GARIN1A: variants seen among roughly 807,000 people sequenced by gnomAD.
The protein encoded by GARIN1A is golgi associated RAB2 interactor 1A.
chr7:128,708,714 C>T, the GARIN1A span, among the ~76,000 whole-genome samples: 1 of 152,286 alleles, frequency 6.6e-6, no homozygotes, highest in East Asian at 1.9e-4. Flanking sequence ...CTTTTCTACC[C>T]TTTGGCCACC....
At chr7:128,696,528 G>A in the GARIN1A span, among the ~76,000 whole-genome samples, 1 of 151,950 alleles carries the variant, frequency 6.6e-6, no homozygotes, top group African/African-American at 2.4e-5. Context: ...CTTTTTTCAG[G>A]TCTAACATTC....
chr7:128,680,094 C>G, the GARIN1A span: 1 of 1,581,468 alleles, frequency 6.3e-7, no homozygotes, highest in South Asian at 1.2e-5. Context: ...GGCGGCTGAG[C>G]AGACCAGTGG....
At chr7:128,677,777 G>C in the GARIN1A span, 1 of 1,613,766 alleles carries the variant, frequency 6.2e-7, no homozygotes. Context: ...CTCACTGCCT[G>C]GTGCCCAAGA....
the GARIN1A span, among the ~76,000 whole-genome samples, chr7:128,700,162 G>T: frequency 7.9e-5 from 12 of 152,052 alleles, no homozygotes; most frequent in African/African-American, 2.9e-4. Context: ...TGCATCATAG[G>T]CTATTTTCCT....
At chr7:128,698,867 G>A in the GARIN1A span, among the ~76,000 whole-genome samples, 27 of 152,286 alleles carry the variant, frequency 1.8e-4, no homozygotes, top group African/African-American at 5.3e-4. Flanking sequence ...GATTACAGGC[G>A]TGAGCCACCG....
the GARIN1A span, among the ~76,000 whole-genome samples, chr7:128,678,959 G>A: frequency 6.6e-6 from 1 of 150,688 alleles, no homozygotes; most frequent in African/African-American, 2.4e-5. Flanking sequence ...TGTAACAATC[G>A]TTACATACAT....
the GARIN1A span, chr7:128,677,726 A>T: frequency 6.2e-7 from 1 of 1,613,908 alleles, no homozygotes; most frequent in Non-Finnish European, 8.5e-7. Flanking sequence ...TTCTGCAGAA[A>T]GGCCTGTCCA....
chr7:128,707,483 G>A, the GARIN1A span, among the ~76,000 whole-genome samples: 1 of 152,058 alleles, frequency 6.6e-6, no homozygotes, highest in South Asian at 2.1e-4. Context: ...TCTTTTCTTT[G>A]AGAAAGGGTC....
At chr7:128,689,537 T>C in the GARIN1A span, among the ~76,000 whole-genome samples, 1 of 144,248 alleles carries the variant, frequency 6.9e-6, no homozygotes. Flanking sequence ...GTCTGAGAAG[T>C]GAGGAGCCCC....
At chr7:128,699,868 T>C in the GARIN1A span, among the ~76,000 whole-genome samples, 1 of 152,254 alleles carries the variant, frequency 6.6e-6, no homozygotes, top group East Asian at 1.9e-4. Context: ...CAATTTCGCT[T>C]TATATAGCTT....
chr7:128,699,772 C>G, the GARIN1A span, among the ~76,000 whole-genome samples: 1 of 152,204 alleles, frequency 6.6e-6, no homozygotes, highest in Non-Finnish European at 1.5e-5. Context: ...TATATCCTTA[C>G]TGATCTGGTC....
the GARIN1A span, among the ~76,000 whole-genome samples, chr7:128,682,168 C>T: frequency 5.9e-5 from 9 of 152,134 alleles, no homozygotes; most frequent in African/African-American, 2.2e-4. Flanking sequence ...AAGGAAGGCT[C>T]TCTCTTTCAG....
the GARIN1A span, among the ~76,000 whole-genome samples, chr7:128,688,502 C>G: frequency 6.6e-6 from 1 of 152,126 alleles, no homozygotes; most frequent in Non-Finnish European, 1.5e-5. Flanking sequence ...TAGTAGTTGT[C>G]ATTTCTTACT....
the GARIN1A span, among the ~76,000 whole-genome samples, chr7:128,700,861 T>A: frequency 1.3e-5 from 2 of 151,900 alleles, no homozygotes; most frequent in African/African-American, 4.8e-5. Context: ...ATGCACTACC[T>A]ACACATTTTA....
At chr7:128,700,779 C>CTAATGTAGCTTGTCCCT in the GARIN1A span, among the ~76,000 whole-genome samples, 1 of 151,852 alleles carries the variant, frequency 6.6e-6, no homozygotes, top group Non-Finnish European at 1.5e-5. Flanking sequence ...TCATGACAGC[C>CTAATGTAGCTTGTCCCT]ATCAAACCTC....
At chr7:128,671,667 T>G in the GARIN1A span, among the ~76,000 whole-genome samples, 1 of 150,836 alleles carries the variant, frequency 6.6e-6, no homozygotes, top group African/African-American at 2.4e-5. Context: ...AAAAAAAGTT[T>G]TAATAATTGC....
the GARIN1A span, among the ~76,000 whole-genome samples, chr7:128,708,297 G>T: frequency 1.3e-5 from 2 of 151,982 alleles, no homozygotes; most frequent in South Asian, 4.2e-4. Flanking sequence ...AAAGTGTTGG[G>T]ATTATAGGTG....
At chr7:128,705,853 G>A in the GARIN1A span, among the ~76,000 whole-genome samples, 1,141 of 151,766 alleles carry the variant, frequency 7.5e-3, 13 homozygotes, top group African/African-American at 0.026. Context: ...ACAGGGTCTC[G>A]CTGTGTTACC....
chr7:128,698,532 G>A, the GARIN1A span, among the ~76,000 whole-genome samples: 1 of 152,080 alleles, frequency 6.6e-6, no homozygotes, highest in Non-Finnish European at 1.5e-5. Context: ...GGGAGGGAGG[G>A]TTCCTGCCTA....
Sources: allele counts gnomAD v4.1 joint callset (sites outside exome capture counted in the v4.1 genomes callset), GRCh38; gene constraint gnomAD v4.1.1; transcripts MANE v1.5; gene names NCBI Gene and HGNC (gene_info 2026-07-23, HGNC 2026-07-21).